The following FGFR3 variants were observed in gnomAD, a reference collection of about 807,000 sequenced individuals.
FGFR3 encodes the protein fibroblast growth factor receptor 3, also known as FGFR-3.
A neutral mutation model predicts 82.9 loss-of-function variants in FGFR3; 25 were observed. The observed-to-expected ratio is 0.30, with a 90% CI of 0.22 to 0.42. The LOEUF is 0.42. Ranked by LOEUF, FGFR3 falls within the 10% of genes least tolerant of loss-of-function variation. The pLI is 1.00. For missense variants in FGFR3, 1,026 were observed against 1,161.0 expected, an observed-to-expected ratio of 0.88 and a Z score of 1.69; for synonymous variants, 620 against 516.0, an observed-to-expected ratio of 1.20 and a Z score of -2.73.
intron 2 of FGFR3, among the ~76,000 whole-genome samples, chr4:1,797,536 C>T (rs760735000): frequency 1.2e-4 from 19 of 152,322 alleles, no homozygotes; most frequent in Admixed American, 8.5e-4. Context: ...GACCTGTTGT[C>T]GCCACTCAGA....
intron 7 of FGFR3, 120 bp downstream of exon 7, chr4:1,802,145 A>G (rs1454351865): frequency 4.5e-6 from 5 of 1,106,956 alleles, no homozygotes; most frequent in Non-Finnish European, 5.3e-6. Context: ...CGGGGGCAGA[A>G]GCTGTGGGGG....
Position 1,806,047 on chromosome 4 carries a change from C to T in FGFR3, c.1837-4C>T, listed in dbSNP as rs752472057. The T allele has an allele frequency of 1.9e-6, 3 of 1,613,356 alleles. No individual in the cohort carries two copies. The Admixed American group carries it at 5.0e-5, about 27-fold the overall frequency. On this transcript the variant is annotated splice_region_variant and splice_polypyrimidine_tract_variant and intron_variant, in intron 13 of 17. Transcript: ENST00000440486. ...TTCAGCCCTGCCTCCCACCCCTTCC[C>T]CAGTGCATCCACAGGGACCTGGCTG...
At chr4:1,798,806 G>A (rs753886579) in intron 2 of FGFR3, among the ~76,000 whole-genome samples, 4 of 152,190 alleles carry the variant, frequency 2.6e-5, no homozygotes, top group Non-Finnish European at 5.9e-5. Flanking sequence ...TCAGTCAGAG[G>A]CCAGCAAAGG....
chr4:1,805,504 A>G (rs774785752), intron 11 of FGFR3, 28 bp downstream of exon 11: 1 of 1,612,410 alleles, frequency 6.2e-7, no homozygotes, highest in African/African-American at 1.3e-5. Context: ...AGGGGTGCAG[A>G]GCAGGGCTGG....
Position 1,798,378 on chromosome 4 carries a change from C to G in FGFR3, c.110-876C>G, listed in dbSNP as rs3135862. 1.7e-3 allele frequency among the ~76,000 whole-genome samples: 263 copies of G among 152,166 alleles called. 10 individuals carry two copies. The South Asian group carries it at 0.052, about 30-fold the overall frequency. On this transcript the variant is annotated intron_variant, in intron 2 of 17. Transcript: ENST00000440486. ...CCCCCCGGCCCCCTTGAGGGCCCGC[C>G]TGGGCCTCCCCACTCCCCGGCCTGT...
At chr4:1,804,740 C>T (rs556410126) in intron 9 of FGFR3, 84 bp from the exon 10 acceptor site, 8 of 1,521,248 alleles carry the variant, frequency 5.3e-6, no homozygotes, top group South Asian at 4.8e-5. Flanking sequence ...AACGCCCCCC[C>T]TTCTGGCCCA....
chr4:1,797,940 GGCCAC>G (rs1322196633), intron 2 of FGFR3, among the ~76,000 whole-genome samples: 10 of 152,266 alleles, frequency 6.6e-5, no homozygotes, highest in South Asian at 4.1e-4. Flanking sequence ...CCCGAATCTA[GGCCAC>G]GCGTCTGCAG....
At chr4:1,803,090 G>C (rs763026594) in intron 7 of FGFR3, 3 of 1,537,950 alleles carry the variant, frequency 2.0e-6, no homozygotes, top group Admixed American at 4.1e-5. Context: ...CATGCCGGCC[G>C]GCACAAGAGC....
intron 16 of FGFR3, 70 bp from the exon 17 acceptor site, chr4:1,806,759 G>A: frequency 6.3e-7 from 1 of 1,593,920 alleles, no homozygotes; most frequent in African/African-American, 1.3e-5. Flanking sequence ...GGAGGGACTG[G>A]CAGCCCTTCA....
intron 2 of FGFR3, among the ~76,000 whole-genome samples, chr4:1,794,828 G>A (rs943366299): frequency 1.3e-5 from 2 of 151,756 alleles, no homozygotes; most frequent in African/African-American, 4.8e-5. Flanking sequence ...CTCCGGACGG[G>A]CGAGGGGGGC....
intron 2 of FGFR3, among the ~76,000 whole-genome samples, chr4:1,795,449 C>T (rs1720386009): frequency 6.6e-6 from 1 of 152,000 alleles, no homozygotes; most frequent in Non-Finnish European, 1.5e-5. Flanking sequence ...GCGGCGCCCC[C>T]GCCCGCACTG....
In FGFR3 at chr4:1,805,931, C is replaced by G. The variant is rs750472969; in HGVS notation, c.1827C>G (p.Ala609=). The G allele has an allele frequency of 2.1e-5, 33 of 1,609,064 alleles. No individual in the cohort carries two copies. Among genetic ancestry groups the G allele is most frequent in the Middle Eastern group, 3.3e-4 (2 of 6,070 alleles). ...TGGCCCGGGGCATGGAGTACTTGGC[C>G]TCCCAGAAGGTGGGCAGGGCGGCAG... The part of the protein sequence containing the change: ...YQVARGMEYL[A]SQKCIHRDLA... The change falls in exon 13 of 18, where the codon GCC becomes GCG. Residue 609 remains alanine, a synonymous_variant. Coordinates refer to ENST00000440486, the MANE Select transcript of FGFR3 (RefSeq NM_000142.5).
rs747937861 is a variant in FGFR3, at chr4:1,807,398, TGC to T, written c.*138_*139del. On this transcript the variant is annotated 3_prime_UTR_variant, in exon 18 of 18. Coordinates refer to ENST00000440486, the MANE Select transcript of FGFR3 (RefSeq NM_000142.5). ...GAGCTTTGGTCTGTGTGTGTGTGTGTGCGTGTGTGTGTGTGTGTGTGCACATC... is the reference window on the plus strand; with the variant it reads ...GAGCTTTGGTCTGTGTGTGTGTGTGTGTGTGTGTGTGTGTGTGTGCACATC... 296 of 983,894 alleles carry T rather than the reference TGC, an allele frequency of 3.0e-4. No homozygotes were observed. The highest frequency in any genetic ancestry group is 1.0e-3 in the South Asian group (73 of 70,610). 60.9% of individuals were successfully genotyped at this position (983,894 alleles called of 1,614,324 possible).
At chr4:1,803,145 C>G (rs1000683391) in intron 7 of FGFR3, 2 of 1,389,232 alleles carry the variant, frequency 1.4e-6, no homozygotes, top group African/African-American at 1.5e-5. Flanking sequence ...GCCCCGCACG[C>G]CCAGCCCTGC....
intron 7 of FGFR3, 104 bp downstream of exon 7, chr4:1,802,129 G>C (rs1369686983): frequency 7.9e-7 from 1 of 1,262,962 alleles, no homozygotes. Flanking sequence ...CTAGGGGTTG[G>C]AGCTTCGGGG....
chr4:1,795,490 G>A (rs1720395061), intron 2 of FGFR3, among the ~76,000 whole-genome samples: 1 of 152,072 alleles, frequency 6.6e-6, no homozygotes, highest in Non-Finnish European at 1.5e-5. Flanking sequence ...GAGTTGATCG[G>A]TCAATAAACT....
intron 3 of FGFR3, 104 bp downstream of exon 3, chr4:1,799,627 G>A: frequency 6.4e-7 from 1 of 1,552,728 alleles, no homozygotes; most frequent in Non-Finnish European, 8.7e-7. Context: ...GTCATTGGTG[G>A]AGAGGAGGGC....
chr4:1,801,566 G>A (rs772646335), intron 5 of FGFR3, 30 bp downstream of exon 5: 3 of 1,577,386 alleles, frequency 1.9e-6, no homozygotes, highest in Non-Finnish European at 2.6e-6. Context: ...TCTGGGCCTG[G>A]CAGGCGCGGT....
At chr4:1,803,913 C>T (rs376689817) in intron 8 of FGFR3, 77 bp downstream of exon 8, 78 of 1,461,092 alleles carry the variant, frequency 5.3e-5, no homozygotes, top group East Asian at 4.1e-4. Flanking sequence ...GCTGCCAGGA[C>T]GGACGGGAAT....
Sources: allele counts gnomAD v4.1 joint callset (sites outside exome capture counted in the v4.1 genomes callset), GRCh38; gene constraint gnomAD v4.1.1; transcripts MANE v1.5; gene names NCBI Gene and HGNC (gene_info 2026-07-23, HGNC 2026-07-21).